MTUS2: variants seen among roughly 807,000 people sequenced by gnomAD.
The protein encoded by MTUS2 is microtubule-associated tumor suppressor candidate 2.
In MTUS2, 40 loss-of-function variants were observed where a neutral mutation model predicts 114.1. That is an observed-to-expected ratio of 0.35 (90% CI 0.27 to 0.46). The LOEUF (loss-of-function observed/expected upper bound fraction) is 0.46. MTUS2 is among the 20% of genes least tolerant of loss of function. MTUS2 has a pLI of 1.00. For missense variants in MTUS2, 1,679 were observed against 1,705.4 expected (o/e 0.98, Z 0.27); for synonymous variants, 688 against 672.0 (o/e 1.02, Z -0.37).
At chr13:29,045,489 T>C (rs1887572105) in intron 4 of MTUS2, among the ~76,000 whole-genome samples, 1 of 152,122 alleles carries the variant, frequency 6.6e-6, no homozygotes, top group Non-Finnish European at 1.5e-5. Context: ...CATATATAAA[T>C]CTTGAGAGGA....
intron 2 of MTUS2, among the ~76,000 whole-genome samples, chr13:29,023,930 C>T (rs533098455): frequency 6.6e-6 from 1 of 152,104 alleles, no homozygotes; most frequent in Non-Finnish European, 1.5e-5. Context: ...GTGGTGTCTA[C>T]CAGATCTCTC....
intron 8 of MTUS2, among the ~76,000 whole-genome samples, chr13:29,389,265 GTA>G (rs1416378412): frequency 7.1e-6 from 1 of 140,310 alleles, no homozygotes; most frequent in African/African-American, 3.2e-5. Context: ...ACACATGTGT[GTA>G]TATATGTATA....
chr13:29,142,661 G>A lies in MTUS2; in HGVS notation c.2644+41691G>A, dbSNP rs576477473. Among the ~76,000 whole-genome samples, 7 of 152,148 alleles carry A rather than the reference G, an allele frequency of 4.6e-5. No individual in the cohort carries two copies. In the South Asian group the frequency reaches 8.3e-4, roughly 18 times the overall value. On this transcript the variant is annotated intron_variant, in intron 5 of 15. Coordinates refer to ENST00000612955, the MANE Select transcript of MTUS2 (RefSeq NM_001033602.4). ...GCAGAGGTCGCAGTGAGCCAAGATC[G>A]TGCCACTGTACTCCAGCCTGGGCAA...
rs555677091 is a variant in MTUS2, at chr13:28,996,083, A to G, written c.-242-28374A>G. Among the ~76,000 whole-genome samples, 13 of 152,226 alleles carry G rather than the reference A, an allele frequency of 8.5e-5. No homozygotes were observed. In the South Asian group the frequency reaches 2.7e-3, roughly 32 times the overall value. On this transcript the variant is annotated intron_variant, in intron 2 of 15. Transcript: ENST00000612955. ...TGAGATACATCCCATCAATAACCTC[A>G]TTTATTCAGAGTTTTTAGCATGAAG...
At chr13:29,102,678 T>G (rs1421872291) in intron 5 of MTUS2, among the ~76,000 whole-genome samples, 1 of 152,232 alleles carries the variant, frequency 6.6e-6, no homozygotes, top group African/African-American at 2.4e-5. Flanking sequence ...TGCTACCTAC[T>G]ATATATGTAA....
intron 6 of MTUS2, among the ~76,000 whole-genome samples, chr13:29,312,092 C>G (rs1278114154): frequency 6.6e-6 from 1 of 152,202 alleles, no homozygotes; most frequent in African/African-American, 2.4e-5. Context: ...GCCCTCTTGA[C>G]AAGTCTCGCA....
chr13:28,841,286 C>T (rs941021040), intron 2 of MTUS2, among the ~76,000 whole-genome samples: 20 of 152,022 alleles, frequency 1.3e-4, no homozygotes, highest in African/African-American at 4.1e-4. Context: ...TTAGGGGCTA[C>T]GGGTGGAGTA....
chr13:28,901,759 T>C (rs935683801), intron 2 of MTUS2, among the ~76,000 whole-genome samples: 3 of 152,196 alleles, frequency 2.0e-5, no homozygotes, highest in Non-Finnish European at 4.4e-5. Flanking sequence ...TTGATTACTG[T>C]AGCAATAAAG....
At chr13:29,398,740 A>AT (rs892312157) in intron 8 of MTUS2, among the ~76,000 whole-genome samples, 4 of 152,122 alleles carry the variant, frequency 2.6e-5, no homozygotes, top group East Asian at 1.9e-4. Context: ...GAAGCACACA[A>AT]TTTTTTTAAA....
intron 5 of MTUS2, among the ~76,000 whole-genome samples, chr13:29,201,272 T>C (rs1304749925): frequency 6.6e-6 from 1 of 152,206 alleles, no homozygotes; most frequent in Non-Finnish European, 1.5e-5. Context: ...AATGCCCTTC[T>C]TTGCCTTTTT....
At chr13:29,134,516 G>A (rs9551604) in intron 5 of MTUS2, among the ~76,000 whole-genome samples, 137,640 of 152,306 alleles carry the variant, frequency 0.9, 62,217 homozygotes, top group Admixed American at 0.93. Flanking sequence ...AGTTCCATCA[G>A]TTTTTGCTTA....
chr13:29,405,044 G>C (rs1340553544), intron 8 of MTUS2, among the ~76,000 whole-genome samples: 2 of 152,148 alleles, frequency 1.3e-5, no homozygotes, highest in Admixed American at 1.3e-4. Context: ...TTCCTGTATT[G>C]ATTGTAGAGC....
At chr13:28,911,525 G>A (rs1001478596) in intron 2 of MTUS2, among the ~76,000 whole-genome samples, 8 of 152,030 alleles carry the variant, frequency 5.3e-5, no homozygotes, top group African/African-American at 1.7e-4. Flanking sequence ...ACCCAGTAAC[G>A]AGATTGCTGG....
intron 5 of MTUS2, among the ~76,000 whole-genome samples, chr13:29,102,438 AG>A (rs1258071759): frequency 2.0e-5 from 3 of 152,206 alleles, no homozygotes; most frequent in African/African-American, 7.2e-5. Context: ...GAGAGCTGAC[AG>A]GTCTGGACAG....
intron 4 of MTUS2, among the ~76,000 whole-genome samples, chr13:29,091,106 A>T (rs1443401842): frequency 2.6e-5 from 4 of 151,940 alleles, no homozygotes; most frequent in Non-Finnish European, 4.4e-5. Context: ...CAGGGTCTGT[A>T]TCCTTCCTCT....
rs758442536 is a variant in MTUS2, at chr13:29,487,928, C to T, written c.3428C>T (p.Ala1143Val). The change falls in exon 11 of 16, where the codon GCT becomes GTT. Residue 1143 changes from alanine (A) to valine (V), a missense_variant. This residue lies in a region of MTUS2 where 822 missense variants were observed against 899.7 expected (regional missense o/e 0.91). Coordinates refer to ENST00000612955, the MANE Select transcript of MTUS2 (RefSeq NM_001033602.4). ...QVEDLTASHDAALLEMENNHT... is the reference protein window; with the variant it reads ...QVEDLTASHDVALLEMENNHT... ...GAAGATCTCACCGCCAGCCATGATGCTGCTCTCCTAGAGATGGAAAATAAC... is the reference window on the plus strand; with the variant it reads ...GAAGATCTCACCGCCAGCCATGATGTTGCTCTCCTAGAGATGGAAAATAAC... 3 of 1,614,130 alleles carry T rather than the reference C, an allele frequency of 1.9e-6. No individual in the cohort carries two copies. The South Asian group carries it at 3.3e-5, about 18-fold the overall frequency.
At chr13:29,061,868 T>A (rs1376738926) in intron 4 of MTUS2, among the ~76,000 whole-genome samples, 5 of 152,262 alleles carry the variant, frequency 3.3e-5, no homozygotes, top group Admixed American at 6.5e-5. Flanking sequence ...TCTTACATAT[T>A]CATCAAAGGT....
intron 5 of MTUS2, among the ~76,000 whole-genome samples, chr13:29,271,776 G>A (rs1010580500): frequency 3.3e-5 from 5 of 152,168 alleles, no homozygotes; most frequent in African/African-American, 4.8e-5. Context: ...AACTTCTGGG[G>A]ATTATAGGCC....
intron 6 of MTUS2, among the ~76,000 whole-genome samples, chr13:29,301,408 G>A (rs1899199379): frequency 6.6e-6 from 1 of 152,174 alleles, no homozygotes; most frequent in South Asian, 2.1e-4. Flanking sequence ...AACATGGCAA[G>A]TTGTAGACTC....
Sources: allele counts gnomAD v4.1 joint callset (sites outside exome capture counted in the v4.1 genomes callset), GRCh38; gene constraint gnomAD v4.1.1; regional missense constraint gnomAD v4.1.1; transcripts MANE v1.5; gene names NCBI Gene and HGNC (gene_info 2026-07-23, HGNC 2026-07-21).